Variants in TTC4 observed in about 807,000 individuals in gnomAD.
TTC4 encodes the protein hsp70/Hsp90 co-chaperone CNS1 homolog.
A neutral mutation model predicts 51.9 loss-of-function variants in TTC4; 36 were observed. The observed-to-expected ratio is 0.69, with a 90% CI of 0.53 to 0.92. TTC4 has a LOEUF of 0.92. Ranked by LOEUF, TTC4 falls within the 40% of genes least tolerant of loss-of-function variation. The pLI is 0.00. For missense variants in TTC4, 399 were observed against 454.6 expected (o/e 0.88, Z 1.11); for synonymous variants, 144 against 164.2 (o/e 0.88, Z 0.94).
chr1:54,727,723 A>G, intron 5 of TTC4, among the ~76,000 whole-genome samples: 1 of 150,744 alleles, frequency 6.6e-6, no homozygotes, highest in South Asian at 2.1e-4. Context: ...GAAAAAGCCC[A>G]CAGAATGGAA....
chr1:54,738,162 A>G (rs377610906), intron 9 of TTC4, among the ~76,000 whole-genome samples: 1 of 152,260 alleles, frequency 6.6e-6, no homozygotes, highest in East Asian at 1.9e-4. Flanking sequence ...TGGCCTCCCA[A>G]AGTGCTGGGA....
intron 3 of TTC4, among the ~76,000 whole-genome samples, chr1:54,718,787 A>T (rs57117515): frequency 0.092 from 13,996 of 151,358 alleles, 907 homozygotes; most frequent in South Asian, 0.19. Context: ...GGTTTTTTTT[A>T]AAAATAATTT....
At chr1:54,731,854 C>CCAACTGAACCT (rs539019522) in intron 7 of TTC4, among the ~76,000 whole-genome samples, 154 bp downstream of exon 7, 2 of 152,020 alleles carry the variant, frequency 1.3e-5, no homozygotes, top group East Asian at 3.9e-4. Flanking sequence ...TATCCTGTAG[C>CCAACTGAACCT]TGACTGAACC....
rs1259397267 is a variant in TTC4 at position 54,734,680 on chromosome 1, G to C, written c.978+970G>C. ...GCTGGGATTACAGGTGTGAGCTACC[G>C]TGCCCAGCCAGAATTTCTTTCCTTT... On this transcript the variant is annotated intron_variant, in intron 8 of 9. Coordinates refer to ENST00000371281, the MANE Select transcript of TTC4 (RefSeq NM_004623.5). Among the ~76,000 whole-genome samples the C allele has an allele frequency of 5.3e-5, 8 of 152,158 alleles. No individual in the cohort carries two copies. In the East Asian group the frequency reaches 1.4e-3, roughly 26 times the overall value.
chr1:54,717,368 C>T, intron 2 of TTC4, 124 bp from the exon 3 acceptor site: 1 of 828,720 alleles, frequency 1.2e-6, no homozygotes, highest in East Asian at 3.3e-5. Flanking sequence ...CATCGAGTTT[C>T]CTTTCCCTAT....
At chr1:54,741,024 C>G (rs1646004229) in intron 9 of TTC4, among the ~76,000 whole-genome samples, 1 of 152,208 alleles carries the variant, frequency 6.6e-6, no homozygotes, top group Admixed American at 6.5e-5. Flanking sequence ...ATTGGTTCCT[C>G]ATCTCCCTCC....
At chr1:54,732,034 G>GA (rs1032631612) in intron 7 of TTC4, among the ~76,000 whole-genome samples, 3 of 151,008 alleles carry the variant, frequency 2.0e-5, no homozygotes, top group Admixed American at 6.6e-5. Flanking sequence ...ATATTAATTA[G>GA]AAAAAAAAAT....
intron 4 of TTC4, among the ~76,000 whole-genome samples, chr1:54,722,128 A>T (rs996689653): frequency 8.1e-6 from 1 of 123,406 alleles, no homozygotes; most frequent in African/African-American, 2.9e-5. Context: ...GATAACATGA[A>T]ATTTTTTTTT....
At chr1:54,732,509 A>G (rs1270374269) in intron 7 of TTC4, among the ~76,000 whole-genome samples, 2 of 147,110 alleles carry the variant, frequency 1.4e-5, no homozygotes. Context: ...CCCAGGCTGG[A>G]GTGCAGTGGC....
At chr1:54,731,002 A>G (rs1422585937) in intron 6 of TTC4, among the ~76,000 whole-genome samples, 1 of 152,108 alleles carries the variant, frequency 6.6e-6, no homozygotes, top group African/African-American at 2.4e-5. Context: ...TTCTTACCTT[A>G]TATCATCATT....
chr1:54,740,825 G>A (rs1646001997), intron 9 of TTC4, among the ~76,000 whole-genome samples: 1 of 152,052 alleles, frequency 6.6e-6, no homozygotes, highest in Admixed American at 6.6e-5. Context: ...AAACATTCTG[G>A]TTACTTGCAC....
chr1:54,737,324 T>C (rs2101366075), intron 8 of TTC4: 1 of 409,008 alleles, frequency 2.4e-6, no homozygotes, highest in Non-Finnish European at 4.5e-6. Flanking sequence ...TTCTTCTGTT[T>C]ACCAGCAGGG....
chr1:54,723,697 T>C (rs1423041734), intron 5 of TTC4, among the ~76,000 whole-genome samples: 1 of 152,188 alleles, frequency 6.6e-6, no homozygotes, highest in Non-Finnish European at 1.5e-5. Flanking sequence ...TTTCCTACCT[T>C]ATAGGGCTAT....
At chr1:54,741,109 A>T (rs140893035) in intron 9 of TTC4, among the ~76,000 whole-genome samples, 48 of 152,322 alleles carry the variant, frequency 3.2e-4, no homozygotes, top group Middle Eastern at 3.4e-3. Flanking sequence ...TTTTCAGCAC[A>T]GGGCCTGGCT....
At position 54,737,620 on chromosome 1, in the gene TTC4, G is replaced by A; in HGVS notation, c.1017G>A (p.Arg339=). The change falls in exon 9 of 10, where the codon CGG becomes CGA. Residue 339 remains arginine (R), a synonymous_variant. Transcript: ENST00000371281. ...FEDEDRAELY[R]VPAKSTLLQV... ...ATGAGGACAGGGCAGAACTATACCG[G>A]GTGCCTGCCAAGAGCACCTTGCTAC... is the stretch of plus-strand genomic sequence containing the variant. The A allele has an allele frequency of 6.2e-7, 1 of 1,613,442 alleles. No individual in the cohort carries two copies.
At chr1:54,727,787 TATC>T (rs368700953) in intron 5 of TTC4, among the ~76,000 whole-genome samples, 24 of 152,190 alleles carry the variant, frequency 1.6e-4, no homozygotes, top group Middle Eastern at 3.4e-3. Flanking sequence ...AAACAACTCT[TATC>T]ATCTCAATAA....
chr1:54,717,402 A>G lies in TTC4; in HGVS notation c.230-90A>G, dbSNP rs1167825024. 4.0e-6 allele frequency: 5 copies of G among 1,240,786 alleles called. No individual in the cohort carries two copies. In the South Asian group the frequency reaches 9.4e-5, roughly 23 times the overall value. The allele number at this position is 1,240,786 out of a possible 1,614,324, so 76.9% of individuals were successfully genotyped here. On this transcript the variant is annotated intron_variant, in intron 2 of 9. Transcript: ENST00000371281. ...ATTGGTTTCTTCGCTTTGGTGTGTC[A>G]TATAGTACATTATTACATGATTTAG...
chr1:54,728,665 A>C (rs559413757), intron 6 of TTC4, among the ~76,000 whole-genome samples: 1 of 152,314 alleles, frequency 6.6e-6, no homozygotes, highest in Admixed American at 6.5e-5. Context: ...GTCTCCACTT[A>C]CCTGAAGCAG....
chr1:54,716,835 C>T, intron 2 of TTC4, 118 bp downstream of exon 2: 1 of 776,472 alleles, frequency 1.3e-6, no homozygotes, highest in Non-Finnish European at 2.0e-6. Context: ...TGTCATTATT[C>T]ATTCCAATAT....
Sources: gnomAD v4.1 joint callset for allele counts (sites outside exome capture counted in the v4.1 genomes callset) on GRCh38, gnomAD v4.1.1 for gene constraint, MANE v1.5 for transcripts, NCBI Gene and HGNC (gene_info 2026-07-23, HGNC 2026-07-21) for gene names.